The following WWP2 variants were observed in gnomAD, a reference collection of about 807,000 sequenced individuals.
WWP2 encodes WW domain containing E3 ubiquitin protein ligase 2, also known as NEDD4-like E3 ubiquitin-protein ligase WWP2.
WWP2 carries 57 observed loss-of-function variants against 121.0 expected under a neutral mutation model. That is an observed-to-expected ratio of 0.47 (90% confidence interval 0.38 to 0.59). The LOEUF (loss-of-function observed/expected upper bound fraction) is 0.59. Among genes scored for constraint, WWP2 ranks in the 20% least tolerant of loss-of-function variants. The pLI, the probability that WWP2 is intolerant of heterozygous loss-of-function variation, is 0.00. For missense variants in WWP2, 962 were observed against 1,158.9 expected, an observed-to-expected ratio of 0.83 and a Z score of 2.47; for synonymous variants, 449 against 441.3, an observed-to-expected ratio of 1.02 and a Z score of -0.22.
At chr16:69,938,702 CCCAAAAA>C (rs2058835499) in intron 21 of WWP2, among the ~76,000 whole-genome samples, 1 of 152,160 alleles carries the variant, frequency 6.6e-6, no homozygotes. Flanking sequence ...ATTTCATCTC[CCCAAAAA>C]CCTTATACCC....
chr16:69,854,817 C>T (rs1260577018), intron 6 of WWP2, among the ~76,000 whole-genome samples: 1 of 152,126 alleles, frequency 6.6e-6, no homozygotes, highest in East Asian at 1.9e-4. Flanking sequence ...TCCCAAAGTG[C>T]TGGGATTACA....
At chr16:69,865,765 A>G (rs1278381064) in intron 6 of WWP2, among the ~76,000 whole-genome samples, 1 of 152,180 alleles carries the variant, frequency 6.6e-6, no homozygotes, top group Non-Finnish European at 1.5e-5. Flanking sequence ...TAAATGTATT[A>G]CTGTTAGACC....
chr16:69,875,732 A>G (rs1354519934), intron 7 of WWP2, among the ~76,000 whole-genome samples: 1 of 152,202 alleles, frequency 6.6e-6, no homozygotes, highest in Non-Finnish European at 1.5e-5. Flanking sequence ...GAAGCAGTTT[A>G]GTCACATATT....
intron 8 of WWP2, among the ~76,000 whole-genome samples, chr16:69,902,017 T>TAA: frequency 6.6e-6 from 1 of 152,348 alleles, no homozygotes; most frequent in Middle Eastern, 3.4e-3. Context: ...CCAGCTTTAA[T>TAA]CCCTTTTAGC....
At chr16:69,898,324 A>G (rs1416388381) in intron 8 of WWP2, among the ~76,000 whole-genome samples, 1 of 152,018 alleles carries the variant, frequency 6.6e-6, no homozygotes, top group African/African-American at 2.4e-5. Flanking sequence ...CACCACTCCC[A>G]GCCAGTTATT....
intron 7 of WWP2, among the ~76,000 whole-genome samples, chr16:69,883,951 T>A (rs1472836362): frequency 1.3e-5 from 2 of 152,312 alleles, no homozygotes; most frequent in East Asian, 3.9e-4. Flanking sequence ...GGTCAGCTAT[T>A]TCGTAATAAT....
chr16:69,918,396 A>G (rs980040363), intron 10 of WWP2, among the ~76,000 whole-genome samples: 1 of 152,256 alleles, frequency 6.6e-6, no homozygotes, highest in Admixed American at 6.5e-5. Flanking sequence ...GGCAAATAAT[A>G]GTCCATGGGC....
chr16:69,936,511 C>T, intron 19 of WWP2, 59 bp downstream of exon 19: 4 of 1,604,554 alleles, frequency 2.5e-6, no homozygotes, highest in Non-Finnish European at 3.4e-6. Context: ...TAGTGGGTTG[C>T]AGAGAAAGAT....
intron 8 of WWP2, among the ~76,000 whole-genome samples, chr16:69,889,659 G>T (rs1203109620): frequency 1.3e-5 from 2 of 152,176 alleles, no homozygotes; most frequent in African/African-American, 4.8e-5. Context: ...TAAAGGAAGG[G>T]CATGCTTCTG....
At chr16:69,933,914 G>T in intron 16 of WWP2, 56 bp from the exon 17 acceptor site, 1 of 1,577,410 alleles carries the variant, frequency 6.3e-7, no homozygotes. Flanking sequence ...CAGCTCCTGT[G>T]CAGATGTGCA....
chr16:69,903,009 A>C (rs1410940863), intron 8 of WWP2, among the ~76,000 whole-genome samples: 2 of 152,228 alleles, frequency 1.3e-5, no homozygotes, highest in South Asian at 2.1e-4. Flanking sequence ...CAGGGGTCCA[A>C]CTGCAAAAGG....
rs567844544 is a variant in WWP2, at chr16:69,917,975, C to T, written c.1179+92C>T. 7.5e-5 allele frequency: 109 copies of T among 1,460,632 alleles called. 1 individual carries two copies. The African/African-American group carries it at 1.2e-3, about 16-fold the overall frequency. 90.5% of individuals were successfully genotyped at this position (1,460,632 alleles called of 1,614,324 possible). On this transcript the variant is annotated intron_variant, in intron 10 of 23. Transcript: ENST00000359154. ...GTTCTCTGTTGACCTGCTTAGTGAG[C>T]AGGGAAAACAGCGTCTGGCAACGTC...
intron 2 of WWP2, among the ~76,000 whole-genome samples, chr16:69,795,952 A>G (rs2056031090): frequency 6.6e-6 from 1 of 151,764 alleles, no homozygotes; most frequent in Non-Finnish European, 1.5e-5. Context: ...CCTGCTTCAA[A>G]ATAAGAGTAC....
chr16:69,792,306 T>C (rs761534873), intron 2 of WWP2, among the ~76,000 whole-genome samples: 4 of 152,212 alleles, frequency 2.6e-5, no homozygotes, highest in African/African-American at 7.2e-5. Flanking sequence ...AGAAACAAGC[T>C]GTTTGGAACT....
chr16:69,931,442 A>C, intron 14 of WWP2, 67 bp from the exon 15 acceptor site: 3 of 1,590,598 alleles, frequency 1.9e-6, no homozygotes, highest in Admixed American at 3.4e-5. Flanking sequence ...ATGCCTGTTC[A>C]TACAGACAGG....
chr16:69,919,546 C>G (rs2058527372), intron 10 of WWP2, among the ~76,000 whole-genome samples: 1 of 152,152 alleles, frequency 6.6e-6, no homozygotes, highest in Admixed American at 6.5e-5. Context: ...ATACCGTGTC[C>G]CTGTGGGAAC....
chr16:69,939,702 A>G (rs1272126298), intron 23 of WWP2, 139 bp from the exon 24 acceptor site: 2 of 753,144 alleles, frequency 2.7e-6, no homozygotes, highest in East Asian at 2.8e-5. Flanking sequence ...GGCACCTGCA[A>G]TGTGAAGGCC....
intron 6 of WWP2, among the ~76,000 whole-genome samples, chr16:69,852,826 T>C (rs548819011): frequency 3.0e-4 from 46 of 152,350 alleles, no homozygotes; most frequent in African/African-American, 1.1e-3. Flanking sequence ...GTTTTATTTT[T>C]ATATGGCCAT....
chr16:69,795,275 CA>C (rs377153304), intron 2 of WWP2, among the ~76,000 whole-genome samples: 75,756 of 151,324 alleles, frequency 0.5, 22,415 homozygotes, highest in Non-Finnish European at 0.67. Context: ...CACACACACA[CA>C]CACACACACA....
Sources: allele counts gnomAD v4.1 joint callset (sites outside exome capture counted in the v4.1 genomes callset), GRCh38; gene constraint gnomAD v4.1.1; transcripts MANE v1.5; gene names NCBI Gene and HGNC (gene_info 2026-07-23, HGNC 2026-07-21).